FAR2: variants seen among roughly 807,000 people sequenced by gnomAD.
FAR2 encodes fatty acyl-CoA reductase 2.
Under a neutral mutation model 56.0 loss-of-function variants are expected in FAR2, and 19 were observed. The ratio of observed to expected loss-of-function variants is 0.34; its 90% confidence interval spans 0.24 to 0.50. FAR2 has a LOEUF of 0.50. Among genes scored for constraint, FAR2 ranks in the 20% least tolerant of loss-of-function variants. The pLI is 0.98. For synonymous variants in FAR2, 219 were observed against 218.8 expected (o/e 1.00, Z -0.01); for missense variants, 508 against 642.2 (o/e 0.79, Z 2.26).
At chr12:29,236,589 T>C (rs1947945731) in intron 1 of FAR2, among the ~76,000 whole-genome samples, 1 of 152,066 alleles carries the variant, frequency 6.6e-6, no homozygotes, top group African/African-American at 2.4e-5. Flanking sequence ...AAAACTACTA[T>C]TTATAAAACC....
rs1947898271 is a variant in FAR2, at chr12:29,234,072, C to G, written c.-38-36340C>G. Among the ~76,000 whole-genome samples the G allele has an allele frequency of 2.6e-5, 4 of 152,176 alleles. No homozygotes were observed. The South Asian group carries it at 8.3e-4, about 31-fold the overall frequency. On this transcript the variant is annotated intron_variant, in intron 1 of 11. Transcript: ENST00000536681. ...TTTCTCCTCTATGTTCAGTCTTTCT[C>G]ACGCTCCTTGTAGGCTCTTCCTCTT...
chr12:29,298,294 GT>G (rs57445542), intron 4 of FAR2, among the ~76,000 whole-genome samples: 74,364 of 145,378 alleles, frequency 0.51, 19,681 homozygotes, highest in African/African-American at 0.68. Flanking sequence ...AGTTTACCTT[GT>G]TTTTTTTTTT....
chr12:29,225,832 C>T (rs1416956493), intron 1 of FAR2, among the ~76,000 whole-genome samples: 1 of 152,208 alleles, frequency 6.6e-6, no homozygotes, highest in Non-Finnish European at 1.5e-5. Context: ...CAGCTTTCTT[C>T]ATTTCCAAAC....
intron 10 of FAR2, among the ~76,000 whole-genome samples, chr12:29,324,150 G>A (rs967187524): frequency 6.6e-6 from 1 of 151,970 alleles, no homozygotes; most frequent in Non-Finnish European, 1.5e-5. Context: ...GGGTGTCAGC[G>A]ATGGAAGACG....
rs1222566987 is a variant in FAR2, at chr12:29,173,590, G to A, written c.-39+24183G>A. Among the ~76,000 whole-genome samples, 5 of 152,076 alleles carry A rather than the reference G, an allele frequency of 3.3e-5. No individual in the cohort carries two copies. The South Asian group carries it at 8.3e-4, about 25-fold the overall frequency. On this transcript the variant is annotated intron_variant, in intron 1 of 11. Coordinates refer to ENST00000536681, the MANE Select transcript of FAR2 (RefSeq NM_001271783.2). The stretch of plus-strand genomic sequence containing the variant: ...TCTCCATCAGAGAGAGAATACTGGG[G>A]CCAGGCCATAGTGCAGAAAAAAATG...
intron 10 of FAR2, among the ~76,000 whole-genome samples, chr12:29,329,042 A>AC (rs1949692139): frequency 6.6e-6 from 1 of 152,190 alleles, no homozygotes; most frequent in Non-Finnish European, 1.5e-5. Flanking sequence ...TCCATGTCAA[A>AC]TACAATAAAT....
intron 1 of FAR2, among the ~76,000 whole-genome samples, chr12:29,206,042 C>T (rs1475097045): frequency 6.6e-6 from 1 of 152,172 alleles, no homozygotes; most frequent in Non-Finnish European, 1.5e-5. Flanking sequence ...CATTTACTCT[C>T]AGATACTCAC....
At chr12:29,186,755 ATTATTTATTTAT>A (rs200745083) in intron 1 of FAR2, among the ~76,000 whole-genome samples, 2,250 of 46,290 alleles carry the variant, frequency 0.049, 63 homozygotes, top group African/African-American at 0.08. Context: ...TTCTTTATTT[ATTATTTATTTAT>A]TTATTTATTT....
intron 1 of FAR2, among the ~76,000 whole-genome samples, chr12:29,169,067 C>T (rs1267520389): frequency 6.6e-6 from 1 of 152,188 alleles, no homozygotes; most frequent in Non-Finnish European, 1.5e-5. Context: ...TTTAGCTAGA[C>T]ACAGAGCACT....
intron 1 of FAR2, among the ~76,000 whole-genome samples, chr12:29,245,953 A>G (rs1948121718): frequency 6.6e-6 from 1 of 152,146 alleles, no homozygotes; most frequent in African/African-American, 2.4e-5. Context: ...TTTACTATTC[A>G]TCACTAAAAG....
chr12:29,297,677 G>A (rs980882782), intron 4 of FAR2, among the ~76,000 whole-genome samples: 28 of 152,252 alleles, frequency 1.8e-4, no homozygotes, highest in African/African-American at 6.0e-4. Flanking sequence ...TAGTTGTGAG[G>A]TTGAAAAAAG....
intron 1 of FAR2, among the ~76,000 whole-genome samples, chr12:29,235,396 G>T (rs985149665): frequency 1.3e-5 from 2 of 152,140 alleles, no homozygotes; most frequent in African/African-American, 4.8e-5. Context: ...AATTTTAGCA[G>T]CTTTGTGTGT....
At chr12:29,157,662 C>T (rs1425891591) in intron 1 of FAR2, among the ~76,000 whole-genome samples, 3 of 152,176 alleles carry the variant, frequency 2.0e-5, no homozygotes, top group Non-Finnish European at 4.4e-5. Context: ...AAACACCCCA[C>T]ATTTTAGATC....
At chr12:29,227,534 A>G (rs1947788580) in intron 1 of FAR2, among the ~76,000 whole-genome samples, 1 of 152,174 alleles carries the variant, frequency 6.6e-6, no homozygotes, top group Admixed American at 6.5e-5. Context: ...TCCATCGACC[A>G]GATACTCTGT....
At chr12:29,284,930 C>T (rs1490026822) in intron 2 of FAR2, among the ~76,000 whole-genome samples, 1 of 152,260 alleles carries the variant, frequency 6.6e-6, no homozygotes, top group Non-Finnish European at 1.5e-5. Context: ...CAAGCTCCAC[C>T]TCCCGGGTTC....
intron 10 of FAR2, among the ~76,000 whole-genome samples, chr12:29,327,799 C>A (rs1236083715): frequency 6.6e-6 from 1 of 152,106 alleles, no homozygotes; most frequent in Non-Finnish European, 1.5e-5. Flanking sequence ...ACCATAAAAA[C>A]CCTAGAAGAA....
rs555449729 is a variant in FAR2 at position 29,293,045 on chromosome 12, T to C, written c.190-255T>C. 2.0e-3 allele frequency: 492 copies of C among 250,894 alleles called. 1 individual carries two copies. Among genetic ancestry groups the C allele is most frequent in the Non-Finnish European group, 3.1e-3 (408 of 131,736 alleles). The allele number at this position is 250,894 out of a possible 1,614,324, so 15.5% of individuals were successfully genotyped here. ...CATGCCTGGCTAATTTTTTGTATTT[T>C]TAGTAGAGACAGGTTTTTACCATGT... On this transcript the variant is annotated intron_variant, in intron 2 of 11. Coordinates refer to ENST00000536681, the MANE Select transcript of FAR2 (RefSeq NM_001271783.2).
chr12:29,154,414 G>GT lies in FAR2; in HGVS notation c.-39+5018dup, dbSNP rs66603297. On this transcript the variant is annotated intron_variant, in intron 1 of 11. Coordinates refer to ENST00000536681, the MANE Select transcript of FAR2 (RefSeq NM_001271783.2). ...CTTAACCAGTTGTGGTTTTGTTTTTGTTTTTTTTTTTGTTTTGTTTTGTTT... is the reference window on the plus strand; with the variant it reads ...CTTAACCAGTTGTGGTTTTGTTTTTGTTTTTTTTTTTTGTTTTGTTTTGTTT... Among the ~76,000 whole-genome samples, 923 of 141,318 alleles carry GT rather than the reference G, an allele frequency of 6.5e-3. 2 individuals carry two copies. Among genetic ancestry groups the GT allele is most frequent in the Middle Eastern group, 0.018 (5 of 272 alleles). 92.7% of individuals were successfully genotyped at this position (141,318 alleles called of 152,430 possible).
chr12:29,311,285 C>T (rs780906516), intron 7 of FAR2, 139 bp downstream of exon 7: 14 of 627,012 alleles, frequency 2.2e-5, no homozygotes, highest in African/African-American at 3.6e-5. Flanking sequence ...TTATAGAGTT[C>T]CTAATATGCC....
Sources: allele counts gnomAD v4.1 joint callset (sites outside exome capture counted in the v4.1 genomes callset), GRCh38; gene constraint gnomAD v4.1.1; transcripts MANE v1.5; gene names NCBI Gene and HGNC (gene_info 2026-07-23, HGNC 2026-07-21).